CCDC171: variants seen among roughly 807,000 people sequenced by gnomAD.
CCDC171 encodes coiled-coil domain containing 171.
CCDC171 carries 177 observed loss-of-function variants against 168.2 expected under a neutral mutation model. That is an observed-to-expected ratio of 1.05 (90% confidence interval 0.93 to 1.19). The LOEUF is 1.19. Among genes scored for constraint, CCDC171 ranks in the 50% most tolerant of loss-of-function variants. The pLI is 0.00. For missense variants in CCDC171, 1,991 were observed against 1,539.0 expected, an observed-to-expected ratio of 1.29 and a Z score of -4.91; for synonymous variants, 687 against 540.8, an observed-to-expected ratio of 1.27 and a Z score of -3.75.
At chr9:16,079,808 T>TGA in the CCDC171 span, among the ~76,000 whole-genome samples, 4,716 of 152,310 alleles carry the variant, frequency 0.031, 223 homozygotes, top group African/African-American at 0.1. Context: ...AGCAGAGACT[T>TGA]ACACAATGCT....
In CCDC171 at chr9:16,060,312, C is replaced by T. The variant is rs553476382; in HGVS notation, n.90-334C>T. On this transcript the variant is annotated intron_variant and non_coding_transcript_variant, in intron 1 of 1. Coordinates refer to the CCDC171 transcript ENST00000478913. Reference sequence around the variant, plus strand: ...ATTTCTGAGTGGAGGTGAGGAAAAACGGAGCGATGACCGTGAGGGTCTTTG... The same window carrying T: ...ATTTCTGAGTGGAGGTGAGGAAAAATGGAGCGATGACCGTGAGGGTCTTTG... 2.6e-5 allele frequency among the ~76,000 whole-genome samples: 4 copies of T among 152,314 alleles called. No individual in the cohort carries two copies. In the East Asian group the frequency reaches 7.7e-4, roughly 29 times the overall value.
intron 11 of CCDC171, among the ~76,000 whole-genome samples, chr9:15,710,895 C>T (rs1272582178): frequency 2.0e-5 from 3 of 152,292 alleles, no homozygotes; most frequent in African/African-American, 4.8e-5. Flanking sequence ...CCGTACCCGG[C>T]CTTCTGTCTC....
At chr9:16,002,135 ATTTT>A (rs76881347) in intron 3 of CCDC171, among the ~76,000 whole-genome samples, 4,275 of 102,560 alleles carry the variant, frequency 0.042, 144 homozygotes, top group African/African-American at 0.12. Context: ...GCCTACTATC[ATTTT>A]TTTTTTTTTT....
At chr9:15,610,491 G>A (rs1338225454) in intron 6 of CCDC171, among the ~76,000 whole-genome samples, 1 of 121,842 alleles carries the variant, frequency 8.2e-6, no homozygotes, top group Admixed American at 8.9e-5. Context: ...ACTGGGCGTG[G>A]TGGTGGGTGC....
intron 10 of CCDC171, among the ~76,000 whole-genome samples, chr9:15,679,612 C>T (rs2049898819): frequency 1.3e-5 from 2 of 152,152 alleles, no homozygotes; most frequent in South Asian, 4.1e-4. Context: ...TGCAGTGGTG[C>T]AACCCTAGCT....
chr9:15,556,309 C>T (rs567025877), intron 1 of CCDC171, among the ~76,000 whole-genome samples: 1 of 152,238 alleles, frequency 6.6e-6, no homozygotes, highest in Non-Finnish European at 1.5e-5. Flanking sequence ...CTTGAGGAGT[C>T]GCCATACTGT....
At chr9:15,939,461 A>G (rs1164375796) in intron 25 of CCDC171, among the ~76,000 whole-genome samples, 4 of 151,862 alleles carry the variant, frequency 2.6e-5, no homozygotes, top group Non-Finnish European at 5.9e-5. Context: ...GCAATAAAGG[A>G]CATCAGGTAT....
chr9:16,048,949 CAA>C (rs34680045), intron 1 of CCDC171, among the ~76,000 whole-genome samples: 1 of 137,224 alleles, frequency 7.3e-6, no homozygotes, highest in Non-Finnish European at 1.6e-5. Context: ...TATAGAAAGA[CAA>C]AAAAAAAAAA....
At chr9:16,028,373 C>G (rs1336146146) in intron 6 of CCDC171, among the ~76,000 whole-genome samples, 1 of 151,942 alleles carries the variant, frequency 6.6e-6, no homozygotes, top group Non-Finnish European at 1.5e-5. Context: ...TGATACTCAG[C>G]GATGTGGGTA....
the CCDC171 span, among the ~76,000 whole-genome samples, chr9:16,069,154 A>G: frequency 6.6e-6 from 1 of 152,234 alleles, no homozygotes; most frequent in Non-Finnish European, 1.5e-5. Context: ...ATTTAGGCCT[A>G]CATGACGTAA....
intron 18 of CCDC171, among the ~76,000 whole-genome samples, chr9:15,763,310 C>A (rs2056549033): frequency 6.6e-6 from 1 of 152,126 alleles, no homozygotes; most frequent in African/African-American, 2.4e-5. Flanking sequence ...TTAATTGAAG[C>A]TTCATTATAT....
intron 25 of CCDC171, among the ~76,000 whole-genome samples, chr9:15,931,841 G>C (rs1284153090): frequency 2.0e-5 from 3 of 151,604 alleles, no homozygotes; most frequent in African/African-American, 7.3e-5. Flanking sequence ...TTTACATGTG[G>C]ATATTTAGTT....
intron 1 of CCDC171, among the ~76,000 whole-genome samples, chr9:16,049,689 A>G (rs1833719573): frequency 6.6e-6 from 1 of 152,144 alleles, no homozygotes; most frequent in South Asian, 2.1e-4. Context: ...GGACAGAGCC[A>G]CACTACCAGC....
intron 9 of CCDC171, among the ~76,000 whole-genome samples, chr9:15,668,717 C>T (rs954764792): frequency 2.0e-5 from 3 of 152,084 alleles, no homozygotes; most frequent in Non-Finnish European, 2.9e-5. Flanking sequence ...AATGATGTGA[C>T]TTGAGGGATC....
At chr9:15,651,450 T>C (rs1258435428) in intron 7 of CCDC171, among the ~76,000 whole-genome samples, 3 of 151,922 alleles carry the variant, frequency 2.0e-5, no homozygotes, top group Non-Finnish European at 4.4e-5. Context: ...CTCACTTTTT[T>C]ATAGAGATTT....
At chr9:15,665,741 A>G (rs1263669164) in intron 8 of CCDC171, among the ~76,000 whole-genome samples, 1 of 152,232 alleles carries the variant, frequency 6.6e-6, no homozygotes, top group Non-Finnish European at 1.5e-5. Flanking sequence ...TGATCACACT[A>G]CTGCACTTCA....
intron 3 of CCDC171, among the ~76,000 whole-genome samples, chr9:15,575,046 C>A (rs1310681242): frequency 6.7e-6 from 1 of 149,976 alleles, no homozygotes; most frequent in Non-Finnish European, 1.5e-5. Context: ...GAAAATAGGA[C>A]AAGAAGACCG....
At chr9:15,738,850 A>G (rs1471798624) in intron 16 of CCDC171, among the ~76,000 whole-genome samples, 1 of 151,942 alleles carries the variant, frequency 6.6e-6, no homozygotes, top group African/African-American at 2.4e-5. Flanking sequence ...AAGCCTTTAC[A>G]CTCTAAAGCT....
intron 24 of CCDC171, among the ~76,000 whole-genome samples, chr9:15,914,210 C>A (rs900837713): frequency 6.6e-6 from 1 of 152,154 alleles, no homozygotes; most frequent in Non-Finnish European, 1.5e-5. Flanking sequence ...AGCTGACAGG[C>A]AGGAACGTTT....
Sources: gnomAD v4.1 joint callset for allele counts (sites outside exome capture counted in the v4.1 genomes callset) on GRCh38, gnomAD v4.1.1 for gene constraint, MANE v1.5 for transcripts, NCBI Gene and HGNC (gene_info 2026-07-23, HGNC 2026-07-21) for gene names.